Variants in HAPLN3 observed in about 807,000 individuals in gnomAD.
HAPLN3 encodes hyaluronan and proteoglycan link protein 3.
A neutral mutation model predicts 28.1 loss-of-function variants in HAPLN3; 28 were observed. The ratio of observed to expected loss-of-function variants is 1.00; its 90% CI spans 0.74 to 1.37. The LOEUF is 1.37. Ranked by LOEUF, HAPLN3 falls within the 40% of genes most tolerant of loss-of-function variation. HAPLN3 has a pLI of 0.00. For synonymous variants in HAPLN3, 211 were observed against 213.1 expected (o/e 0.99, Z 0.09); for missense variants, 513 against 504.6 (o/e 1.02, Z -0.16).
At position 88,880,506 on chromosome 15, in the gene HAPLN3, CAT is replaced by C. The variant is rs1475504897; in HGVS notation, c.493+849_493+850del. ...CTAAGGGGGATGAGGCATTTACCCA[CAT>C]GTCATAGCTGGGACGGGCTGGGGCT... On this transcript the variant is annotated intron_variant, in intron 3 of 4. Transcript: ENST00000359595. The surrounding 1 kb of genome is among the most constrained non-coding windows in gnomAD (Gnocchi z 6.0). 7.9e-6 allele frequency: 10 copies of C among 1,271,220 alleles called. No individual in the cohort carries two copies. Among genetic ancestry groups the C allele is most frequent in the Non-Finnish European group, 1.0e-5 (10 of 973,822 alleles). 78.7% of individuals were successfully genotyped at this position (1,271,220 alleles called of 1,614,324 possible). A position where few individuals can be genotyped will look rare whatever the true frequency, so the allele number is the denominator to read the frequency against.
chr15:88,884,137 G>C (rs898638433), intron 2 of HAPLN3, among the ~76,000 whole-genome samples: 1 of 152,122 alleles, frequency 6.6e-6, no homozygotes, highest in Non-Finnish European at 1.5e-5. Flanking sequence ...TCCCCTGGGT[G>C]GGGGGATTAT....
At position 88,877,992 on chromosome 15, in the gene HAPLN3, A is replaced by G; in HGVS notation, c.1061T>C (p.Val354Ala). ...GTCCTAGTGCTGGCGGTAGCAGTAA[A>G]CACCGTACAAGCGGCTCTGCGGGTC... is the stretch of plus-strand genomic sequence containing the variant. ...FPDPQSRLYG[V>A]YCYRQH Residue 354 changes from valine to alanine, a missense_variant, in exon 5 of 5, where the codon GTT (valine) becomes GCT (alanine). Coordinates refer to ENST00000359595, the MANE Select transcript of HAPLN3 (RefSeq NM_178232.4). The surrounding 1 kb of genome is among the most constrained non-coding windows in gnomAD (Gnocchi z 5.1). 6.2e-7 allele frequency: 1 copy of G among 1,611,446 alleles called. No individual in the cohort carries two copies. Among genetic ancestry groups the G allele is most frequent in the Non-Finnish European group, 8.5e-7 (1 of 1,178,740 alleles).
chr15:88,891,898 T>C (rs4932444), intron 1 of HAPLN3, among the ~76,000 whole-genome samples: 79,843 of 151,968 alleles, frequency 0.53, 22,099 homozygotes, highest in African/African-American at 0.7. Context: ...GGGGCCAAGA[T>C]TTGATGTTGA....
chr15:88,881,471 GCT>G lies in HAPLN3; in HGVS notation c.377_378del (p.Glu126AlafsTer2). The G allele has an allele frequency of 2.5e-6, 4 of 1,614,056 alleles. No individual in the cohort carries two copies. Among genetic ancestry groups the G allele is most frequent in the Non-Finnish European group, 3.4e-6 (4 of 1,180,032 alleles). ...TCCTGGATCTCCAGCGAGACGTCAT[GCT>G]CTTTGTCCTGCCGCAGGTGCACGCG... ...QGRVHLRQDK[E>X]HDVSLEIQDL... On this transcript the variant is annotated frameshift_variant, in exon 3 of 5. Transcript: ENST00000359595. LOFTEE classifies it high-confidence loss of function. The surrounding 1 kb of genome is among the most constrained non-coding windows in gnomAD (Gnocchi z 6.0).
rs764095491 is a variant in HAPLN3 at position 88,879,185 on chromosome 15, G to A, written c.578C>T (p.Ala193Val). Residue 193 changes from alanine (A) to valine (V), a missense_variant, in exon 4 of 5, where the codon GCG (alanine) becomes GTG (valine). Coordinates refer to ENST00000359595, the MANE Select transcript of HAPLN3 (RefSeq NM_178232.4). This position sits in a 1 kb window ranked among gnomAD's most constrained non-coding sequence, Gnocchi z 5.0. ...EGQQVCAEQA[A>V]VVASFEQLFR... ...GAGCTGCTCAAAGGAGGCCACCACC[G>A]CAGCCTGCTCTGCACAGACCTGCTG... The A allele has an allele frequency of 1.5e-5, 25 of 1,613,738 alleles. No individual in the cohort carries two copies. Among genetic ancestry groups the A allele is most frequent in the Middle Eastern group, 1.6e-4 (1 of 6,062 alleles).
intron 1 of HAPLN3, 133 bp from the exon 2 acceptor site, chr15:88,887,478 T>A: frequency 1.3e-6 from 1 of 793,476 alleles, no homozygotes; most frequent in Non-Finnish European, 2.0e-6. Context: ...TGCCAGACGC[T>A]GTTCCCGGAG....
chr15:88,884,405 A>G (rs1023325302), intron 2 of HAPLN3, among the ~76,000 whole-genome samples: 21 of 152,176 alleles, frequency 1.4e-4, no homozygotes, highest in African/African-American at 5.1e-4. Flanking sequence ...TCCACTAAAA[A>G]TACAAAAAAT....
Position 88,879,436 on chromosome 15 carries a change from T to A in HAPLN3, c.494-167A>T. Reference sequence around the variant, plus strand: ...CTCTGACCTCCTGTCCGTTGCCGCCTCTCTCCTGGGACTCAGCTGGTTCAC... The same window carrying A: ...CTCTGACCTCCTGTCCGTTGCCGCCACTCTCCTGGGACTCAGCTGGTTCAC... On this transcript the variant is annotated intron_variant, in intron 3 of 4. Coordinates refer to ENST00000359595, the MANE Select transcript of HAPLN3 (RefSeq NM_178232.4). The surrounding 1 kb of genome is among the most constrained non-coding windows in gnomAD (Gnocchi z 5.0). 2 of 1,534,424 alleles carry A rather than the reference T, an allele frequency of 1.3e-6. No individual in the cohort carries two copies. The highest frequency in any genetic ancestry group is 1.7e-6 in the Non-Finnish European group (2 of 1,146,600).
At chr15:88,890,481 G>A (rs12591189) in intron 1 of HAPLN3, among the ~76,000 whole-genome samples, 8,028 of 152,184 alleles carry the variant, frequency 0.053, 287 homozygotes, top group East Asian at 0.16. Context: ...CCTCGGTTGC[G>A]AAATGGAGAT....
chr15:88,879,707 A>G lies in HAPLN3; in HGVS notation c.494-438T>C. ...GAAATTTCCTAGGAAAATGCAAGGAACTTTCCACGTGTGGCAGATGATTTT... is the reference window on the plus strand; with the variant it reads ...GAAATTTCCTAGGAAAATGCAAGGAGCTTTCCACGTGTGGCAGATGATTTT... On this transcript the variant is annotated intron_variant, in intron 3 of 4. Transcript: ENST00000359595. This position sits in a 1 kb window ranked among gnomAD's most constrained non-coding sequence, Gnocchi z 5.0. The G allele has an allele frequency of 8.5e-7, 1 of 1,177,812 alleles. No individual in the cohort carries two copies. Among genetic ancestry groups the G allele is most frequent in the Non-Finnish European group, 1.1e-6 (1 of 936,712 alleles). The allele number at this position is 1,177,812 out of a possible 1,614,324, so 73.0% of individuals were successfully genotyped here. A position where few individuals can be genotyped will look rare whatever the true frequency, so the allele number is the denominator to read the frequency against.
intron 1 of HAPLN3, among the ~76,000 whole-genome samples, chr15:88,891,494 C>T (rs1325779293): frequency 6.6e-6 from 1 of 151,992 alleles, no homozygotes; most frequent in Admixed American, 6.6e-5. Flanking sequence ...GATGGGGTTT[C>T]ACCATGTTGC....
At chr15:88,891,080 A>C (rs534450648) in intron 1 of HAPLN3, among the ~76,000 whole-genome samples, 20 of 152,106 alleles carry the variant, frequency 1.3e-4, no homozygotes, top group African/African-American at 4.6e-4. Flanking sequence ...GGGTTTCGCC[A>C]TGTTGGCCAA....
intron 1 of HAPLN3, among the ~76,000 whole-genome samples, chr15:88,890,215 A>C (rs1897975905): frequency 6.6e-6 from 1 of 152,218 alleles, no homozygotes. Flanking sequence ...CCATTCCCTT[A>C]GACACCACAG....
chr15:88,882,579 A>G (rs1013863105), intron 2 of HAPLN3, among the ~76,000 whole-genome samples: 42 of 152,184 alleles, frequency 2.8e-4, no homozygotes, highest in African/African-American at 9.9e-4. Flanking sequence ...ATACACACAG[A>G]ACTCAACATG....
rs572364452 is a variant in HAPLN3, at chr15:88,878,013, G to A, written c.1040C>T (p.Pro347Leu). Reference protein sequence around the residue: ...PGVRSFGFPDPQSRLYGVYCY... With the variant: ...PGVRSFGFPDLQSRLYGVYCY... ...GTAAACACCGTACAAGCGGCTCTGC[G>A]GGTCGGGGAAGCCAAAGCTTCGGAC... is the stretch of plus-strand genomic sequence containing the variant. Residue 347 changes from proline to leucine, a missense_variant, in exon 5 of 5, where the codon CCG becomes CTG. By Grantham distance (98) the Pro-to-Leu change is moderately conservative. Coordinates refer to ENST00000359595, the MANE Select transcript of HAPLN3 (RefSeq NM_178232.4). The A allele has an allele frequency of 2.4e-5, 39 of 1,613,798 alleles. No individual in the cohort carries two copies. The highest frequency in any genetic ancestry group is 2.0e-4 in the East Asian group (9 of 44,878).
Position 88,879,160 on chromosome 15 carries a change from G to A in HAPLN3, c.603C>T (p.Leu201=), listed in dbSNP as rs776832988. 2.5e-6 allele frequency: 4 copies of A among 1,613,890 alleles called. No individual in the cohort carries two copies. The highest frequency in any genetic ancestry group is 1.7e-5 in the Admixed American group (1 of 60,028). Residue 201 remains leucine (L), a synonymous_variant, in exon 4 of 5, where the codon CTC becomes CTT. Transcript: ENST00000359595. The surrounding 1 kb of genome is among the most constrained non-coding windows in gnomAD (Gnocchi z 5.0). ...QAAVVASFEQ[L]FRAWEEGLDW... ...CCAGGCCCTCCTCCCAGGCCCGGAA[G>A]AGCTGCTCAAAGGAGGCCACCACCG...
Position 88,881,710 on chromosome 15 carries a change from A to T in HAPLN3, c.140T>A (p.Val47Glu). 1.2e-6 allele frequency: 2 copies of T among 1,611,498 alleles called. No homozygotes were observed. Among genetic ancestry groups the T allele is most frequent in the Non-Finnish European group, 1.7e-6 (2 of 1,178,938 alleles). Residue 47 changes from valine to glutamate, a missense_variant, in exon 3 of 5, where the codon GTG becomes GAG. Coordinates refer to ENST00000359595, the MANE Select transcript of HAPLN3 (RefSeq NM_178232.4). This position sits in a 1 kb window ranked among gnomAD's most constrained non-coding sequence, Gnocchi z 6.0. Reference protein sequence around the residue: ...NGHGKDLLNGVKLVVETPEET... With the variant: ...NGHGKDLLNGEKLVVETPEET... ...CTCGGGTGTCTCCACCACCAGCTTCACTCCATTAAGGAGGTCTTGGGGGAG... is the reference window on the plus strand; with the variant it reads ...CTCGGGTGTCTCCACCACCAGCTTCTCTCCATTAAGGAGGTCTTGGGGGAG...
chr15:88,888,511 T>C lies in HAPLN3; in HGVS notation c.-47-1166A>G, dbSNP rs1055141395. On this transcript the variant is annotated intron_variant, in intron 1 of 4. Coordinates refer to ENST00000359595, the MANE Select transcript of HAPLN3 (RefSeq NM_178232.4). This position sits in a 1 kb window ranked among gnomAD's most constrained non-coding sequence, Gnocchi z 4.1. ...TGATGATTTGATTTTTTTTTAAATATTGTATTCAAATATTTTGTCTTGATT... is the reference window on the plus strand; with the variant it reads ...TGATGATTTGATTTTTTTTTAAATACTGTATTCAAATATTTTGTCTTGATT... Among the ~76,000 whole-genome samples the C allele has an allele frequency of 6.6e-6, 1 of 152,192 alleles. No individual in the cohort carries two copies. Among genetic ancestry groups the C allele is most frequent in the Non-Finnish European group, 1.5e-5 (1 of 68,044 alleles).
At chr15:88,893,148 G>A in intron 1 of HAPLN3, 1 of 708,570 alleles carries the variant, frequency 1.4e-6, no homozygotes, top group Non-Finnish European at 2.6e-6. Context: ...GGGTGCAGTG[G>A]CTCACACCTG....
Sources: gnomAD v4.1 joint callset for allele counts (sites outside exome capture counted in the v4.1 genomes callset) on GRCh38, gnomAD v4.1.1 for gene constraint, Gnocchi (gnomAD v3.1) non-coding constraint, MANE v1.5 for transcripts, NCBI Gene and HGNC (gene_info 2026-07-23, HGNC 2026-07-21) for gene names.